The following ZBTB2 variants were observed in gnomAD, a reference collection of about 807,000 sequenced individuals.
The protein encoded by ZBTB2 is zinc finger and BTB domain-containing protein 2.
In ZBTB2, 2 loss-of-function variants were observed where a neutral mutation model predicts 39.5. The observed-to-expected ratio is 0.05, with a 90% CI of 0.02 to 0.16. The LOEUF (loss-of-function observed/expected upper bound fraction) is 0.16, where lower values mean the gene tolerates loss of function less well. Among genes scored for constraint, ZBTB2 ranks in the 10% least tolerant of loss-of-function variants. ZBTB2 has a pLI of 1.00. For synonymous variants in ZBTB2, 251 were observed against 256.6 expected (o/e 0.98, Z 0.21); for missense variants, 391 against 653.0 (o/e 0.60, Z 4.37).
chr6:151,370,891 T>G (rs1778774995), intron 2 of ZBTB2, among the ~76,000 whole-genome samples: 1 of 152,246 alleles, frequency 6.6e-6, no homozygotes, highest in Non-Finnish European at 1.5e-5. Context: ...GTAATACACC[T>G]GTTGCTTTAC....
In ZBTB2 at chr6:151,385,049, C is replaced by A. The variant is rs1244859184; in HGVS notation, c.-13+6371G>T. The stretch of plus-strand genomic sequence containing the variant: ...ACACTGTATATGAACTTAAAAAAAA[C>A]CCAACTAAATAAAAAACAAGTCATT... On this transcript the variant is annotated intron_variant, in intron 1 of 2. Coordinates refer to ENST00000325144, the MANE Select transcript of ZBTB2 (RefSeq NM_020861.3). 2.0e-5 allele frequency among the ~76,000 whole-genome samples: 3 copies of A among 149,318 alleles called. No homozygotes were observed. In the Admixed American group the frequency reaches 2.0e-4, roughly 10 times the overall value.
intron 1 of ZBTB2, among the ~76,000 whole-genome samples, chr6:151,374,914 G>A: frequency 8.8e-6 from 1 of 114,178 alleles, no homozygotes; most frequent in African/African-American, 3.3e-5. Context: ...CCAACATGGT[G>A]AAACCCCGTC....
chr6:151,383,904 C>T (rs1779096887), intron 1 of ZBTB2, among the ~76,000 whole-genome samples: 1 of 152,144 alleles, frequency 6.6e-6, no homozygotes, highest in African/African-American at 2.4e-5. Flanking sequence ...TCATCATTTA[C>T]TATTTTATCC....
chr6:151,387,545 A>T (rs927658211), intron 1 of ZBTB2, among the ~76,000 whole-genome samples: 1 of 152,204 alleles, frequency 6.6e-6, no homozygotes, highest in Non-Finnish European at 1.5e-5. Context: ...CTCCCGGTGC[A>T]GGAGAACATG....
At chr6:151,388,064 CA>C (rs1374761407) in intron 1 of ZBTB2, among the ~76,000 whole-genome samples, 1 of 126,780 alleles carries the variant, frequency 7.9e-6, no homozygotes, top group African/African-American at 3.8e-5. Flanking sequence ...AGAATGTTTA[CA>C]TTTTTTTTTT....
intron 1 of ZBTB2, chr6:151,377,971 C>A (rs1778953973): frequency 6.6e-6 from 1 of 151,944 alleles, no homozygotes; most frequent in Non-Finnish European, 1.5e-5. Flanking sequence ...GTAGACTCAG[C>A]AATTTTTAAA....
chr6:151,384,558 G>A (rs1426895483), intron 1 of ZBTB2, among the ~76,000 whole-genome samples: 1 of 152,202 alleles, frequency 6.6e-6, no homozygotes, highest in Non-Finnish European at 1.5e-5. Flanking sequence ...GAATGGAGCA[G>A]ATCAAAGTGT....
chr6:151,380,518 C>G (rs1779009715), intron 1 of ZBTB2, among the ~76,000 whole-genome samples: 1 of 152,214 alleles, frequency 6.6e-6, no homozygotes. Flanking sequence ...TGAGGCCGCC[C>G]CTCTTTTGTG....
At position 151,366,343 on chromosome 6, in the gene ZBTB2, T is replaced by C. The variant is rs1184502571; in HGVS notation, c.723A>G (p.Pro241=). 6.2e-7 allele frequency: 1 copy of C among 1,614,102 alleles called. No homozygotes were observed. The highest frequency in any genetic ancestry group is 8.5e-7 in the Non-Finnish European group (1 of 1,179,998). The change falls in exon 3 of 3, where the codon CCA becomes CCG. Residue 241 remains proline (P), a synonymous_variant. Transcript: ENST00000325144. This position sits in a 1 kb window ranked among gnomAD's most constrained non-coding sequence, Gnocchi z 7.1. ...AGCTCCCATTCCTCTTCATGATGCT[T>C]GGCTTGACGTGGGCTATTGTGAGGG... The part of the protein sequence containing the change: ...PASLTIAHVK[P]SIMKRNGSFP...
At chr6:151,390,295 C>T (rs1779256963) in intron 1 of ZBTB2, among the ~76,000 whole-genome samples, 1 of 147,820 alleles carries the variant, frequency 6.8e-6, no homozygotes, top group Non-Finnish European at 1.5e-5. Context: ...GGGGCGGGGC[C>T]GGGGGCGCGG....
intron 2 of ZBTB2, among the ~76,000 whole-genome samples, chr6:151,372,341 C>T (rs1227113753): frequency 4.6e-5 from 7 of 152,180 alleles, no homozygotes; most frequent in South Asian, 4.2e-4. Context: ...AACCACAGCG[C>T]GCACTGATAG....
In ZBTB2 at chr6:151,364,500, G is replaced by A. The variant is rs1207830954; in HGVS notation, c.*1021C>T. 2 of 152,276 alleles carry A rather than the reference G, an allele frequency of 1.3e-5. No individual in the cohort carries two copies. Among genetic ancestry groups the A allele is most frequent in the Admixed American group, 1.3e-4 (2 of 15,284 alleles). 9.4% of individuals were successfully genotyped at this position (152,276 alleles called of 1,614,324 possible). ...TTTCTCTTTGCCATTTATTTTTGAT[G>A]CTTCAATTAATGTTGCCAGTAAACT... On this transcript the variant is annotated 3_prime_UTR_variant, in exon 3 of 3. Transcript: ENST00000325144.
chr6:151,383,568 G>C (rs1372707508), intron 1 of ZBTB2, among the ~76,000 whole-genome samples: 1 of 152,214 alleles, frequency 6.6e-6, no homozygotes, highest in Non-Finnish European at 1.5e-5. Flanking sequence ...ACACCCTGGT[G>C]ATGATTTGGC....
chr6:151,366,937 G>A lies in ZBTB2; in HGVS notation c.174-45C>T. On this transcript the variant is annotated intron_variant, in intron 2 of 2. Transcript: ENST00000325144. This position sits in a 1 kb window ranked among gnomAD's most constrained non-coding sequence, Gnocchi z 7.1. ...AAATACGTGAGTAAATGCCAGTCTA[G>A]GTGTTAACATAAAGCCTGAAGAAAA... The A allele has an allele frequency of 6.5e-7, 1 of 1,537,766 alleles. No individual in the cohort carries two copies. Among genetic ancestry groups the A allele is most frequent in the Non-Finnish European group, 8.7e-7 (1 of 1,144,380 alleles).
intron 1 of ZBTB2, among the ~76,000 whole-genome samples, chr6:151,376,572 T>A (rs1252458448): frequency 6.6e-6 from 1 of 152,194 alleles, no homozygotes; most frequent in Non-Finnish European, 1.5e-5. Context: ...GATATACAGA[T>A]GACAAGGCAA....
In ZBTB2 at chr6:151,365,101, G is replaced by C. The variant is rs1778614583; in HGVS notation, c.*420C>G. The C allele has an allele frequency of 5.5e-6, 1 of 181,872 alleles. No homozygotes were observed. The highest frequency in any genetic ancestry group is 1.1e-4 in the South Asian group (1 of 8,976). The allele number at this position is 181,872 out of a possible 1,614,324, so 11.3% of individuals were successfully genotyped here. ...CACTTTCTAGATTTTGCATAGTACA[G>C]AGCCCAGCCGTATTTCTAAGCAGCA... On this transcript the variant is annotated 3_prime_UTR_variant, in exon 3 of 3. Transcript: ENST00000325144. The surrounding 1 kb of genome is among the most constrained non-coding windows in gnomAD (Gnocchi z 5.6).
At chr6:151,388,988 C>G (rs948012548) in intron 1 of ZBTB2, among the ~76,000 whole-genome samples, 1 of 152,148 alleles carries the variant, frequency 6.6e-6, no homozygotes, top group Admixed American at 6.5e-5. Context: ...TCAGTGGCAC[C>G]GGCGTATCAC....
At chr6:151,374,234 T>C (rs1395705892) in intron 1 of ZBTB2, among the ~76,000 whole-genome samples, 1 of 152,140 alleles carries the variant, frequency 6.6e-6, no homozygotes, top group Non-Finnish European at 1.5e-5. Flanking sequence ...CTGCTGGTGA[T>C]GTAACAGCCC....
At chr6:151,384,224 C>T (rs556909906) in intron 1 of ZBTB2, among the ~76,000 whole-genome samples, 1 of 152,226 alleles carries the variant, frequency 6.6e-6, no homozygotes, top group South Asian at 2.1e-4. Context: ...CAGAGAATAA[C>T]GAGGATGGAG....
Sources: gnomAD v4.1 joint callset for allele counts (sites outside exome capture counted in the v4.1 genomes callset) on GRCh38, gnomAD v4.1.1 for gene constraint, Gnocchi (gnomAD v3.1) non-coding constraint, MANE v1.5 for transcripts, NCBI Gene and HGNC (gene_info 2026-07-23, HGNC 2026-07-21) for gene names.